Variants in PDE4D observed in about 807,000 individuals in gnomAD.
The protein encoded by PDE4D is phosphodiesterase 4D.
PDE4D carries 24 observed loss-of-function variants against 87.4 expected under a neutral mutation model. The ratio of observed to expected loss-of-function variants is 0.27; its 90% CI spans 0.20 to 0.39. PDE4D has a LOEUF of 0.39. Among genes scored for constraint, PDE4D ranks in the 10% least tolerant of loss-of-function variants. The pLI, the probability that PDE4D is intolerant of heterozygous loss-of-function variation, is 1.00. For synonymous variants in PDE4D, 384 were observed against 383.2 expected (o/e 1.00, Z -0.02); for missense variants, 714 against 1,041.0 (o/e 0.69, Z 4.32).
At chr5:59,495,338 T>A (rs1806976906) in intron 1 of PDE4D, among the ~76,000 whole-genome samples, 1 of 152,200 alleles carries the variant, frequency 6.6e-6, no homozygotes, top group Non-Finnish European at 1.5e-5. Flanking sequence ...CTCCATTCTC[T>A]TTGTGTCTCT....
At chr5:59,317,326 C>T (rs920027815) in intron 1 of PDE4D, among the ~76,000 whole-genome samples, 2 of 152,150 alleles carry the variant, frequency 1.3e-5, no homozygotes, top group Non-Finnish European at 2.9e-5. Context: ...CCTGTGTAAT[C>T]TGCCTTCTTC....
intron 1 of PDE4D, among the ~76,000 whole-genome samples, chr5:59,771,878 A>C (rs1237420381): frequency 1.3e-5 from 2 of 152,200 alleles, no homozygotes; most frequent in African/African-American, 4.8e-5. Flanking sequence ...GGTTGGTGCA[A>C]AAGTAATTAC....
rs201628620 is a variant in PDE4D, at chr5:59,496,606, G to A, written c.456-280638C>T. The stretch of plus-strand genomic sequence containing the variant: ...CCACTCCCCTAGAAATCTAGCCCTC[G>A]GTTCAGTCGGCCCCTAAGGGAGGGG... On this transcript the variant is annotated intron_variant, in intron 1 of 14. Transcript: ENST00000340635. Among the ~76,000 whole-genome samples the A allele has an allele frequency of 8.5e-5, 13 of 152,264 alleles. No homozygotes were observed. In the East Asian group the frequency reaches 2.3e-3, roughly 27 times the overall value.
chr5:59,071,546 T>TG (rs918572493), intron 5 of PDE4D, among the ~76,000 whole-genome samples: 2 of 148,750 alleles, frequency 1.3e-5, no homozygotes, highest in Admixed American at 6.7e-5. Context: ...TCTGAGTTGT[T>TG]TTTTTTTTTT....
chr5:59,348,181 ATAAT>A (rs1779907725), intron 1 of PDE4D, among the ~76,000 whole-genome samples: 1 of 152,174 alleles, frequency 6.6e-6, no homozygotes, highest in African/African-American at 2.4e-5. Flanking sequence ...ATTTTTAACT[ATAAT>A]TAAACAAATT....
chr5:59,345,534 T>C (rs899544129), intron 1 of PDE4D, among the ~76,000 whole-genome samples: 1 of 152,164 alleles, frequency 6.6e-6, no homozygotes, highest in African/African-American at 2.4e-5. Flanking sequence ...CACAGTTACA[T>C]AGTATTCATC....
chr5:60,424,035 G>A (rs1429991318), intron 1 of PDE4D, among the ~76,000 whole-genome samples: 1 of 152,128 alleles, frequency 6.6e-6, no homozygotes, highest in Non-Finnish European at 1.5e-5. Flanking sequence ...TGAAATTAAG[G>A]CAATAATTAA....
In PDE4D at chr5:59,964,001, T is replaced by C. The variant is rs150042780; in HGVS notation, c.272+24487A>G. Among the ~76,000 whole-genome samples the C allele has an allele frequency of 4.4e-3, 670 of 152,308 alleles. 7 individuals carry two copies. Among genetic ancestry groups the C allele is most frequent in the African/African-American group, 0.016 (646 of 41,578 alleles). On this transcript the variant is annotated intron_variant, in intron 3 of 16. Coordinates refer to the PDE4D transcript ENST00000502484. ...GCAAGCAGATTTTTATAAGCAGAGTTATCTAGCAATATGTGGAAGGGAAAC... is the reference window on the plus strand; with the variant it reads ...GCAAGCAGATTTTTATAAGCAGAGTCATCTAGCAATATGTGGAAGGGAAAC...
chr5:60,442,699 A>G (rs1317254570), intron 1 of PDE4D, among the ~76,000 whole-genome samples: 2 of 151,898 alleles, frequency 1.3e-5, no homozygotes, highest in Non-Finnish European at 3.0e-5. Context: ...GAAATCAGAG[A>G]ACATTGAAAT....
At chr5:59,005,478 A>G (rs978159596) in intron 6 of PDE4D, among the ~76,000 whole-genome samples, 1 of 152,202 alleles carries the variant, frequency 6.6e-6, no homozygotes, top group Non-Finnish European at 1.5e-5. Context: ...CATTTTCCCT[A>G]ATCTCCATTT....
At chr5:59,603,831 C>G (rs989502824) in intron 1 of PDE4D, among the ~76,000 whole-genome samples, 4 of 151,904 alleles carry the variant, frequency 2.6e-5, no homozygotes, top group Non-Finnish European at 5.9e-5. Context: ...TTCAAGAAAT[C>G]TATTGTACAA....
intron 5 of PDE4D, among the ~76,000 whole-genome samples, chr5:59,093,506 C>T (rs1014116121): frequency 2.0e-5 from 3 of 152,192 alleles, no homozygotes; most frequent in African/African-American, 4.8e-5. Flanking sequence ...CAGTTATATG[C>T]CCCAGGCGCA....
intron 6 of PDE4D, chr5:58,999,568 T>C (rs1750038871): frequency 8.4e-7 from 1 of 1,189,300 alleles, no homozygotes; most frequent in Non-Finnish European, 1.1e-6. Flanking sequence ...TATATATATA[T>C]GTATATATAT....
intron 1 of PDE4D, among the ~76,000 whole-genome samples, chr5:59,562,831 T>A (rs1820259917): frequency 1.3e-5 from 2 of 151,842 alleles, no homozygotes. Context: ...AAACCCTATT[T>A]CTCACTTCCT....
intron 1 of PDE4D, among the ~76,000 whole-genome samples, chr5:59,422,995 A>G (rs1230035599): frequency 3.3e-5 from 5 of 152,238 alleles, no homozygotes; most frequent in African/African-American, 1.2e-4. Flanking sequence ...TGCATTGCCA[A>G]TGAATAAATT....
intron 1 of PDE4D, among the ~76,000 whole-genome samples, chr5:59,751,267 T>C (rs1760416344): frequency 6.6e-6 from 1 of 152,196 alleles, no homozygotes; most frequent in African/African-American, 2.4e-5. Flanking sequence ...CTCTGTTCTA[T>C]GCATCAGAAC....
At chr5:59,041,143 G>T (rs1006431) in intron 5 of PDE4D, among the ~76,000 whole-genome samples, 27,919 of 151,906 alleles carry the variant, frequency 0.18, 3,519 homozygotes, top group East Asian at 0.71. Context: ...TCAGATTGAA[G>T]CTTTTTTTTC....
intron 5 of PDE4D, among the ~76,000 whole-genome samples, chr5:59,157,581 T>C (rs1780439554): frequency 6.6e-6 from 1 of 152,246 alleles, no homozygotes; most frequent in Admixed American, 6.5e-5. Flanking sequence ...TAATATTGTA[T>C]AATTGTTATT....
At chr5:59,067,799 T>C (rs1447058041) in intron 5 of PDE4D, among the ~76,000 whole-genome samples, 2 of 152,202 alleles carry the variant, frequency 1.3e-5, no homozygotes, top group African/African-American at 2.4e-5. Context: ...TGCCCTCTTA[T>C]TTCTCATGAG....
Sources: allele counts gnomAD v4.1 joint callset (sites outside exome capture counted in the v4.1 genomes callset), GRCh38; gene constraint gnomAD v4.1.1; transcripts MANE v1.5; gene names NCBI Gene and HGNC (gene_info 2026-07-23, HGNC 2026-07-21).